Variants in ARSD observed in about 807,000 individuals in gnomAD.
ARSD encodes arylsulfatase D.
A neutral mutation model predicts 32.6 loss-of-function variants in ARSD; 21 were observed. The observed-to-expected ratio is 0.64, with a 90% CI of 0.46 to 0.93. ARSD has a LOEUF of 0.93. ARSD is among the 40% of genes least tolerant of loss of function. The pLI, the probability that ARSD is intolerant of heterozygous loss-of-function variation, is 0.00. For missense variants in ARSD, 454 were observed against 520.9 expected (o/e 0.87, Z 1.25); for synonymous variants, 224 against 237.4 (o/e 0.94, Z 0.52).
At chrX:2,929,158 G>A in intron 1 of ARSD, 74 bp downstream of exon 1, 2 of 942,824 alleles carry the variant, frequency 2.1e-6, no homozygotes, top group South Asian at 7.3e-5. Context: ...GGCGCCCCTC[G>A]CCGTGCTCGC....
chrX:2,923,884 C>T (rs1627688), intron 2 of ARSD, among the ~76,000 whole-genome samples: 51,512 of 111,158 alleles, frequency 0.46, 8,600 homozygotes, highest in Admixed American at 0.53. Flanking sequence ...AATGCTCTAA[C>T]ATGGTTTGTG....
chrX:2,907,967 C>T (rs1346668189), intron 9 of ARSD: 38 of 832,896 alleles, frequency 4.6e-5, no homozygotes, highest in Middle Eastern at 6.0e-4. Context: ...AACTGTTCAG[C>T]GTCGATCTAC....
chrX:2,908,534 T>C (rs199882101), intron 9 of ARSD, among the ~76,000 whole-genome samples, 187 bp downstream of exon 9: 183 of 84,045 alleles, frequency 2.2e-3, no homozygotes, highest in African/African-American at 4.5e-3. Context: ...TCTCTCTCTC[T>C]CCCCCCCCCA....
intron 9 of ARSD, chrX:2,907,854 C>T: frequency 1.0e-6 from 1 of 953,496 alleles, no homozygotes; most frequent in East Asian, 4.1e-5. Flanking sequence ...CTCTGCATTG[C>T]ATGCCCCAGG....
intron 7 of ARSD, among the ~76,000 whole-genome samples, chrX:2,910,190 G>A (rs1353605859): frequency 9.1e-6 from 1 of 110,098 alleles, no homozygotes; most frequent in Non-Finnish European, 1.9e-5. Context: ...GGGTCGCTGT[G>A]GCTGATTCAA....
chrX:2,925,011 T>G (rs1269013021), intron 2 of ARSD, among the ~76,000 whole-genome samples: 1 of 112,206 alleles, frequency 8.9e-6, no homozygotes, highest in Non-Finnish European at 1.9e-5. Flanking sequence ...TAATTACCTC[T>G]TCAAAGACCC....
Position 2,907,448 on chromosome X carries a change from G to A in ARSD, c.1605C>T (p.Pro535=), listed in dbSNP as rs368571990. 6.6e-6 allele frequency: 8 copies of A among 1,209,681 alleles called. No individual in the cohort carries two copies. In the African/African-American group the frequency reaches 1.0e-4, roughly 16 times the overall value. The change falls in exon 10 of 10, where the codon CCC becomes CCT. Residue 535 remains proline, a synonymous_variant. Coordinates refer to ENST00000381154, the MANE Select transcript of ARSD (RefSeq NM_001669.4). The part of the protein sequence containing the change: ...EARPLTPDSE[P]LYHAVIARVG... ...CCCTTGCTATCACGGCGTGGTACAG[G>A]GGCTCGGAGTCGGGGGTCAGGGGCC...
intron 7 of ARSD, among the ~76,000 whole-genome samples, chrX:2,910,224 CT>C (rs2088891014): frequency 9.1e-6 from 1 of 110,111 alleles, no homozygotes; most frequent in African/African-American, 3.3e-5. Flanking sequence ...TCTATGCTAC[CT>C]TTATTTAGAA....
In ARSD at chrX:2,909,829, A is replaced by C; in HGVS notation, c.1286T>G (p.Val429Gly). Residue 429 changes from valine to glycine, a missense_variant, in exon 8 of 10, where the codon GTG (valine) becomes GGG (glycine). Val to Gly is a moderately radical substitution (Grantham distance 109, BLOSUM62 -3). This residue lies in a region of ARSD where 179 missense variants were observed against 198.5 expected (regional missense o/e 0.90). Transcript: ENST00000381154. ...PTVVQLVGGE[V>G]PQDRVIDGHS... is the part of the protein sequence containing the mutation. ...TATCTCCACGTACCTGTCCTGGGGC[A>C]CCTCGCCACCCACCAGCTGGACCAC... 8.3e-7 allele frequency: 1 copy of C among 1,206,556 alleles called. No individual in the cohort carries two copies. The highest frequency in any genetic ancestry group is 1.1e-6 in the Non-Finnish European group (1 of 892,827).
intron 5 of ARSD, among the ~76,000 whole-genome samples, 170 bp downstream of exon 5, chrX:2,917,634 C>T (rs1329533255): frequency 1.8e-5 from 2 of 110,190 alleles, no homozygotes; most frequent in Non-Finnish European, 1.9e-5. Context: ...CCACTATGCC[C>T]GGCTAATGAT....
intron 6 of ARSD, chrX:2,913,664 C>G: frequency 1.0e-6 from 1 of 987,799 alleles, no homozygotes; most frequent in Non-Finnish European, 1.3e-6. Flanking sequence ...TCTGCATTGT[C>G]CGAACTTTAT....
chrX:2,922,386 G>A (rs2089037273), intron 2 of ARSD, among the ~76,000 whole-genome samples: 1 of 110,707 alleles, frequency 9.0e-6, no homozygotes, highest in African/African-American at 3.3e-5. Context: ...TGAGGGTGTG[G>A]GGCCGAGATG....
chrX:2,920,366 C>CTTTTT, intron 4 of ARSD: 2 of 321,780 alleles, frequency 6.2e-6, no homozygotes, highest in Non-Finnish European at 1.1e-5. Context: ...AAAACGGGAT[C>CTTTTT]TTTTTTTTTT....
chrX:2,918,006 C>T lies in ARSD; in HGVS notation c.661G>A (p.Gly221Ser), dbSNP rs67359049. Residue 221 changes from glycine (G) to serine (S), a missense_variant, in exon 5 of 10, where the codon GGT becomes AGT. Physicochemically the swap from Gly to Ser is moderately conservative, Grantham distance 56. This residue lies in a region of ARSD where 271 missense variants were observed against 301.0 expected (regional missense o/e 0.90). Coordinates refer to ENST00000381154, the MANE Select transcript of ARSD (RefSeq NM_001669.4). ...ILTLAAGQTCGFFSVSARAVT... is the reference protein window; with the variant it reads ...ILTLAAGQTCSFFSVSARAVT... ...GCTCTCGCGGAGACAGAGAAGAAAC[C>T]GCAGGTCTGGCCGGCAGCCAGGGTG... The T allele has an allele frequency of 2.4e-5, 29 of 1,207,174 alleles. No homozygotes were observed. Among genetic ancestry groups the T allele is most frequent in the South Asian group, 1.8e-4 (10 of 56,213 alleles).
intron 1 of ARSD, among the ~76,000 whole-genome samples, chrX:2,927,516 C>G: frequency 9.0e-6 from 1 of 111,726 alleles, no homozygotes; most frequent in East Asian, 2.8e-4. Flanking sequence ...TGGTCTCAAA[C>G]TCCTGACCTC....
intron 6 of ARSD, chrX:2,914,104 C>T (rs1441172673): frequency 1.4e-6 from 1 of 732,882 alleles, no homozygotes; most frequent in Admixed American, 8.4e-5. Context: ...TACCCAGTCT[C>T]AGGTATTTCT....
At position 2,925,612 on chromosome X, in the gene ARSD, G is replaced by C; in HGVS notation, c.194+4C>G. The stretch of plus-strand genomic sequence containing the variant: ...TCATCACCAATAGCAACAACCAACT[G>C]TACCTCAGTGTATTGTTCCCGTAGC... On this transcript the variant is annotated splice_donor_region_variant and intron_variant, in intron 2 of 9. Coordinates refer to ENST00000381154, the MANE Select transcript of ARSD (RefSeq NM_001669.4). 1 of 1,205,651 alleles carries C rather than the reference G, an allele frequency of 8.3e-7. No homozygotes were observed. Among genetic ancestry groups the C allele is most frequent in the Non-Finnish European group, 1.1e-6 (1 of 892,758 alleles).
At chrX:2,915,398 G>A (rs1055992235) in intron 6 of ARSD, among the ~76,000 whole-genome samples, 158 bp downstream of exon 6, 2 of 112,005 alleles carry the variant, frequency 1.8e-5, no homozygotes, top group Non-Finnish European at 3.8e-5. Context: ...CAGGTGATCC[G>A]CCCGCCTTGG....
At position 2,917,940 on chromosome X, in the gene ARSD, A is replaced by G. The variant is rs775382527; in HGVS notation, c.727T>C (p.Ser243Pro). 2 of 1,212,236 alleles carry G rather than the reference A, an allele frequency of 1.6e-6. No homozygotes were observed. The highest frequency in any genetic ancestry group is 1.1e-6 in the Non-Finnish European group (1 of 895,538). Residue 243 changes from serine (S) to proline (P), a missense_variant, in exon 5 of 10, where the codon TCT becomes CCT. This residue lies in a region of ARSD where 271 missense variants were observed against 301.0 expected (regional missense o/e 0.90). Coordinates refer to ENST00000381154, the MANE Select transcript of ARSD (RefSeq NM_001669.4). ...ACAAACCCGAAGGAGGAGTACCAAG[A>G]GATGAAAAACAGGCAGCCCACGCCG... Reference protein sequence around the residue: ...MAGVGCLFFISWYSSFGFVRR... With the variant: ...MAGVGCLFFIPWYSSFGFVRR...
Sources: gnomAD v4.1 joint callset for allele counts (sites outside exome capture counted in the v4.1 genomes callset) on GRCh38, gnomAD v4.1.1 for gene constraint, gnomAD v4.1.1 regional missense constraint, MANE v1.5 for transcripts, NCBI Gene and HGNC (gene_info 2026-07-23, HGNC 2026-07-21) for gene names.